Variants in SYNJ1 observed in about 807,000 individuals in gnomAD.
SYNJ1 encodes polyphosphatidylinositol phosphatase SYNJ1.
SYNJ1 carries 78 observed loss-of-function variants against 168.2 expected under a neutral mutation model. That is an observed-to-expected ratio of 0.46 (90% confidence interval 0.39 to 0.56). The LOEUF (loss-of-function observed/expected upper bound fraction) is 0.56, where lower values mean the gene tolerates loss of function less well. Ranked by LOEUF, SYNJ1 falls within the 20% of genes least tolerant of loss-of-function variation. SYNJ1 has a pLI of 0.00. For missense variants in SYNJ1, 1,303 were observed against 1,597.6 expected (o/e 0.82, Z 3.14); for synonymous variants, 539 against 548.6 (o/e 0.98, Z 0.24).
chr21:32,667,858 C>G (rs561857853), intron 15 of SYNJ1, among the ~76,000 whole-genome samples: 3 of 152,156 alleles, frequency 2.0e-5, no homozygotes, highest in African/African-American at 7.2e-5. Context: ...TGTTATTGTT[C>G]ACTGTCCGTT....
rs920606130 is a variant in SYNJ1, at chr21:32,666,374, CT to C, written c.1952+58del. 15 of 1,557,668 alleles carry C rather than the reference CT, an allele frequency of 9.6e-6. No homozygotes were observed. In the Admixed American group the frequency reaches 2.3e-4, roughly 24 times the overall value. On this transcript the variant is annotated intron_variant, in intron 16 of 32. Transcript: ENST00000674351. ...GAACTGAAACAATAAACATTCTAGG[CT>C]TTTTTCTTGTTATTTAATGGTAGGA...
intron 22 of SYNJ1, among the ~76,000 whole-genome samples, chr21:32,651,824 T>C (rs923562624): frequency 3.3e-5 from 5 of 152,226 alleles, no homozygotes; most frequent in African/African-American, 9.6e-5. Flanking sequence ...TTAATAAATG[T>C]ATATATTTAT....
In SYNJ1 at chr21:32,631,026, G is replaced by A. The variant is rs1569013261; in HGVS notation, c.*779C>T. The A allele has an allele frequency of 3.7e-6, 6 of 1,614,020 alleles. No individual in the cohort carries two copies. Among genetic ancestry groups the A allele is most frequent in the African/African-American group, 1.3e-5 (1 of 75,034 alleles). On this transcript the variant is annotated 3_prime_UTR_variant, in exon 33 of 33. Transcript: ENST00000674351. ...TTCTGTAAAGTCCAGTGTGGGTGAAGCCTTAGAGGCCAAGGTCGTGAAAGG... is the reference window on the plus strand; with the variant it reads ...TTCTGTAAAGTCCAGTGTGGGTGAAACCTTAGAGGCCAAGGTCGTGAAAGG...
At chr21:32,645,119 T>C (rs1286497039) in intron 25 of SYNJ1, 113 bp from the exon 26 acceptor site, 2 of 1,019,194 alleles carry the variant, frequency 2.0e-6, no homozygotes, top group Non-Finnish European at 2.8e-6. Flanking sequence ...AGGAATTACA[T>C]ATTATCTACG....
intron 18 of SYNJ1, among the ~76,000 whole-genome samples, chr21:32,663,906 G>A (rs1265218600): frequency 1.3e-5 from 2 of 152,162 alleles, no homozygotes; most frequent in Non-Finnish European, 2.9e-5. Context: ...GGGGTCTGTG[G>A]GAAATTTAAC....
At chr21:32,705,233 T>C (rs1325023411) in intron 2 of SYNJ1, among the ~76,000 whole-genome samples, 2 of 152,016 alleles carry the variant, frequency 1.3e-5, no homozygotes, top group Admixed American at 6.6e-5. Flanking sequence ...GATATAAGTA[T>C]ATATGTCATA....
intron 4 of SYNJ1, among the ~76,000 whole-genome samples, chr21:32,699,417 G>A (rs1162577108): frequency 6.6e-6 from 1 of 152,160 alleles, no homozygotes; most frequent in Non-Finnish European, 1.5e-5. Flanking sequence ...ACCCCAGGAA[G>A]GTATAGCCAT....
At chr21:32,712,894 G>A (rs1036021414) in intron 2 of SYNJ1, among the ~76,000 whole-genome samples, 17 of 152,228 alleles carry the variant, frequency 1.1e-4, no homozygotes, top group Middle Eastern at 3.4e-3. Context: ...GGCGACATAC[G>A]TATATACTGT....
chr21:32,702,417 A>G (rs1355013344), intron 2 of SYNJ1, among the ~76,000 whole-genome samples: 1 of 152,216 alleles, frequency 6.6e-6, no homozygotes, highest in Admixed American at 6.5e-5. Context: ...AAAGGACAAA[A>G]GTCTGGTCTT....
In SYNJ1 at chr21:32,669,239, C is replaced by T. The variant is rs116575489; in HGVS notation, c.1811+1049G>A. Among the ~76,000 whole-genome samples the T allele has an allele frequency of 1.5e-3, 227 of 152,084 alleles. 1 individual carries two copies. Among genetic ancestry groups the T allele is most frequent in the African/African-American group, 4.9e-3 (204 of 41,498 alleles). ...TTCCCTTAAAAGAACTAATGACAGA[C>T]GGTGGTTATTCAGATTTAGGTTATG... On this transcript the variant is annotated intron_variant, in intron 15 of 32. Coordinates refer to ENST00000674351, the MANE Select transcript of SYNJ1 (RefSeq NM_203446.3).
intron 4 of SYNJ1, among the ~76,000 whole-genome samples, chr21:32,699,011 C>T (rs1036458740): frequency 2.6e-5 from 4 of 151,168 alleles, no homozygotes; most frequent in African/African-American, 7.3e-5. Context: ...GGGGGGAGCA[C>T]AGGGGTTTTA....
At chr21:32,666,326 A>C (rs1194967138) in intron 16 of SYNJ1, 107 bp downstream of exon 16, 6 of 1,505,606 alleles carry the variant, frequency 4.0e-6, no homozygotes, top group African/African-American at 1.4e-5. Flanking sequence ...TAAAACAAGA[A>C]CTATGGATAG....
chr21:32,646,512 C>T lies in SYNJ1; in HGVS notation c.3128G>A (p.Ser1043Asn). 1 of 1,614,058 alleles carries T rather than the reference C, an allele frequency of 6.2e-7. No individual in the cohort carries two copies. Among genetic ancestry groups the T allele is most frequent in the Non-Finnish European group, 8.5e-7 (1 of 1,179,982 alleles). The change falls in exon 24 of 33, where the codon AGC becomes AAC. Residue 1043 changes from serine to asparagine, a missense_variant. Transcript: ENST00000674351. ...SSSSGLGTSP[S>N]SSPRTSPCQS... Reference sequence around the variant, plus strand: ...GCAGGGACTAGTTCGGGGTGAAGAGCTGGGGGAAGTACCAAGGCCGGAACT... The same window carrying T: ...GCAGGGACTAGTTCGGGGTGAAGAGTTGGGGGAAGTACCAAGGCCGGAACT...
chr21:32,640,173 T>A (rs1395815928), intron 29 of SYNJ1, among the ~76,000 whole-genome samples: 1 of 152,222 alleles, frequency 6.6e-6, no homozygotes, highest in Admixed American at 6.5e-5. Flanking sequence ...GCTAGGGTTC[T>A]TAACCATGTG....
chr21:32,715,581 G>C (rs1601525952), intron 2 of SYNJ1, among the ~76,000 whole-genome samples: 1 of 151,994 alleles, frequency 6.6e-6, no homozygotes, highest in East Asian at 1.9e-4. Context: ...ACACATTCAA[G>C]AGATTACAGC....
chr21:32,687,521 G>T (rs2041877521), intron 7 of SYNJ1, among the ~76,000 whole-genome samples: 1 of 152,160 alleles, frequency 6.6e-6, no homozygotes, highest in Non-Finnish European at 1.5e-5. Flanking sequence ...TCTCTTTCCA[G>T]CTTCTAACCA....
chr21:32,630,639 G>A lies in SYNJ1; in HGVS notation c.*1166C>T, dbSNP rs886771225. ...AGATACCAATTGTTAACAAGTATGAGAGGGCTGGTGGAAATGTCAGCTGAA... is the reference window on the plus strand; with the variant it reads ...AGATACCAATTGTTAACAAGTATGAAAGGGCTGGTGGAAATGTCAGCTGAA... On this transcript the variant is annotated 3_prime_UTR_variant, in exon 33 of 33. Transcript: ENST00000674351. The A allele has an allele frequency of 1.1e-5, 2 of 184,824 alleles. No individual in the cohort carries two copies. The highest frequency in any genetic ancestry group is 1.1e-4 in the Admixed American group (2 of 18,884). 11.4% of individuals were successfully genotyped at this position (184,824 alleles called of 1,614,324 possible).
intron 32 of SYNJ1, among the ~76,000 whole-genome samples, 183 bp downstream of exon 32, chr21:32,634,678 G>A (rs1414396333): frequency 1.3e-5 from 2 of 152,056 alleles, no homozygotes; most frequent in Non-Finnish European, 2.9e-5. Flanking sequence ...ACAACTACAT[G>A]GTTCCTAAAA....
chr21:32,661,964 A>G (rs891976570), intron 18 of SYNJ1, among the ~76,000 whole-genome samples: 5 of 152,196 alleles, frequency 3.3e-5, no homozygotes, highest in African/African-American at 9.7e-5. Context: ...TTTCTCTCCA[A>G]GTGATCGCAT....
Sources: allele counts gnomAD v4.1 joint callset (sites outside exome capture counted in the v4.1 genomes callset), GRCh38; gene constraint gnomAD v4.1.1; transcripts MANE v1.5; gene names NCBI Gene and HGNC (gene_info 2026-07-23, HGNC 2026-07-21).